The following PIAS2 variants were observed in gnomAD, a reference collection of about 807,000 sequenced individuals.
PIAS2 encodes the protein protein inhibitor of activated STAT 2.
Under a neutral mutation model 69.7 loss-of-function variants are expected in PIAS2, and 19 were observed. The observed-to-expected ratio is 0.27, with a 90% CI of 0.19 to 0.40. The LOEUF is 0.40. Ranked by LOEUF, PIAS2 falls within the 10% of genes least tolerant of loss-of-function variation. The probability of loss-of-function intolerance (pLI) is 1.00; values close to 1 mark genes in which losing one functional copy is unlikely to be tolerated. For missense variants in PIAS2, 624 were observed against 757.0 expected (o/e 0.82, Z 2.06); for synonymous variants, 261 against 263.2 (o/e 0.99, Z 0.08).
chr18:46,816,472 T>C (rs999914033), intron 12 of PIAS2: 5 of 353,400 alleles, frequency 1.4e-5, no homozygotes, highest in Non-Finnish European at 1.9e-5. Flanking sequence ...TTGCTACAGA[T>C]TTTTTTTTTT....
At chr18:46,901,605 T>C (rs2055870523) in intron 1 of PIAS2, among the ~76,000 whole-genome samples, 1 of 152,230 alleles carries the variant, frequency 6.6e-6, no homozygotes, top group African/African-American at 2.4e-5. Flanking sequence ...GCATTTTCAC[T>C]GTGTCTTATC....
chr18:46,877,036 T>C (rs1237520627), intron 2 of PIAS2, among the ~76,000 whole-genome samples: 1 of 152,166 alleles, frequency 6.6e-6, no homozygotes, highest in Non-Finnish European at 1.5e-5. Context: ...GTTTGGCAAA[T>C]GGAAAGGACT....
rs773744888 is a variant in PIAS2 at position 46,812,423 on chromosome 18, G to A, written c.*10C>T. ...TGATGAATGATTCCCAGAATCAAGT[G>A]AGTCCTCCTTTAGTCCAATGAGATG... On this transcript the variant is annotated 3_prime_UTR_variant, in exon 14 of 14. Transcript: ENST00000585916. 57 of 1,569,910 alleles carry A rather than the reference G, an allele frequency of 3.6e-5. No homozygotes were observed. The highest frequency in any genetic ancestry group is 4.5e-5 in the Non-Finnish European group (52 of 1,145,180).
At position 46,811,632 on chromosome 18, in the gene PIAS2, A is replaced by G. The variant is rs2041007816; in HGVS notation, c.*801T>C. The G allele has an allele frequency of 6.6e-6, 1 of 152,204 alleles. No homozygotes were observed. The allele number at this position is 152,204 out of a possible 1,614,324, so 9.4% of individuals were successfully genotyped here. A position where few individuals can be genotyped will look rare whatever the true frequency, so the allele number is the denominator to read the frequency against. On this transcript the variant is annotated 3_prime_UTR_variant, in exon 14 of 14. Coordinates refer to ENST00000585916, the MANE Select transcript of PIAS2 (RefSeq NM_004671.5). ...TTCTTTTTTGAGAAGGCAAGCCTCAAATTTATAGAAAACTCTAGAATGAAA... is the reference window on the plus strand; with the variant it reads ...TTCTTTTTTGAGAAGGCAAGCCTCAGATTTATAGAAAACTCTAGAATGAAA...
chr18:46,917,661 C>T (rs2058148813), upstream of PIAS2: 12 of 640,268 alleles, frequency 1.9e-5, no homozygotes, highest in South Asian at 7.7e-4. Context: ...CGCGGCTTGG[C>T]CCCGCTCGGC....
rs72907120 is a variant in PIAS2, at chr18:46,821,637, G to A, written c.1509-565C>T. The stretch of plus-strand genomic sequence containing the variant: ...ATGGCAATAGGCCACAATCAGAAAC[G>A]AGGATGAGTGTTCAGGATTTAAAAT... On this transcript the variant is annotated intron_variant, in intron 11 of 13. Transcript: ENST00000585916. 9.3e-3 allele frequency among the ~76,000 whole-genome samples: 1,419 copies of A among 152,170 alleles called. 12 individuals are homozygous for A. Among genetic ancestry groups the A allele is most frequent in the Non-Finnish European group, 0.015 (1,012 of 67,986 alleles).
rs187786963 is a variant in PIAS2, at chr18:46,876,837, C to T, written c.500-12589G>A. On this transcript the variant is annotated intron_variant, in intron 2 of 13. Transcript: ENST00000585916. ...TCAGCCTCCCGAGTAGCTGGGACTA[C>T]AGGTGACTGCCACCAAGCCCAGCTA... Among the ~76,000 whole-genome samples, 295 of 152,124 alleles carry T rather than the reference C, an allele frequency of 1.9e-3. 2 individuals are homozygous for T. Among genetic ancestry groups the T allele is most frequent in the African/African-American group, 6.4e-3 (266 of 41,510 alleles).
At chr18:46,919,483 T>C, upstream of PIAS2, among the ~76,000 whole-genome samples, 1 of 140,982 alleles carries the variant, frequency 7.1e-6, no homozygotes, top group South Asian at 2.3e-4. Flanking sequence ...CGAAACTCCA[T>C]CTCAAAAAAA....
At chr18:46,865,648 C>T (rs1329990933) in intron 2 of PIAS2, among the ~76,000 whole-genome samples, 1 of 152,014 alleles carries the variant, frequency 6.6e-6, no homozygotes, top group South Asian at 2.1e-4. Flanking sequence ...CAAGTCACAT[C>T]AAGTCAGAAA....
At chr18:46,878,698 G>A (rs535756067) in intron 2 of PIAS2, among the ~76,000 whole-genome samples, 23 of 152,220 alleles carry the variant, frequency 1.5e-4, no homozygotes, top group Admixed American at 2.0e-4. Flanking sequence ...GCGAAACCCC[G>A]TCTCTAATAA....
chr18:46,836,596 CG>C, intron 8 of PIAS2, 79 bp from the exon 9 acceptor site: 1 of 941,798 alleles, frequency 1.1e-6, no homozygotes, highest in Non-Finnish European at 1.6e-6. Flanking sequence ...TTGTAAAAGT[CG>C]GAAGATGTCA....
intron 1 of PIAS2, among the ~76,000 whole-genome samples, chr18:46,892,193 G>A (rs373532547): frequency 2.0e-5 from 3 of 152,086 alleles, no homozygotes; most frequent in Admixed American, 6.6e-5. Context: ...AAGTCTCAGG[G>A]ACGGCCCAGA....
At chr18:46,835,053 T>C (rs1185953011) in intron 9 of PIAS2, among the ~76,000 whole-genome samples, 1 of 152,118 alleles carries the variant, frequency 6.6e-6, no homozygotes, top group African/African-American at 2.4e-5. Flanking sequence ...ATTGAAAAAG[T>C]AGAAACAAAT....
At chr18:46,814,182 T>C (rs112749646) in intron 13 of PIAS2, among the ~76,000 whole-genome samples, 1 of 152,232 alleles carries the variant, frequency 6.6e-6, no homozygotes, top group East Asian at 1.9e-4. Flanking sequence ...GTAGCTACAA[T>C]GACAAGAATT....
At chr18:46,900,846 C>A (rs551847893) in intron 1 of PIAS2, among the ~76,000 whole-genome samples, 2 of 151,442 alleles carry the variant, frequency 1.3e-5, no homozygotes, top group African/African-American at 4.9e-5. Flanking sequence ...CGGTGGCAGG[C>A]GCCTATAATC....
intron 3 of PIAS2, among the ~76,000 whole-genome samples, chr18:46,862,607 C>A (rs2048827359): frequency 6.6e-6 from 1 of 151,884 alleles, no homozygotes; most frequent in Non-Finnish European, 1.5e-5. Context: ...TTTGTTAACA[C>A]TAAAGGTGTG....
chr18:46,830,307 T>G (rs1010450595), intron 9 of PIAS2, among the ~76,000 whole-genome samples: 2 of 151,902 alleles, frequency 1.3e-5, no homozygotes, highest in Non-Finnish European at 2.9e-5. Flanking sequence ...ATAAAAGAAG[T>G]CTCAATAAAT....
intron 2 of PIAS2, among the ~76,000 whole-genome samples, chr18:46,875,788 G>A (rs368085885): frequency 4.6e-5 from 7 of 152,290 alleles, no homozygotes; most frequent in East Asian, 3.9e-4. Flanking sequence ...ATGCTTGTGC[G>A]CACCGCAGGC....
At chr18:46,889,964 T>C (rs1011586332) in intron 2 of PIAS2, among the ~76,000 whole-genome samples, 1 of 152,234 alleles carries the variant, frequency 6.6e-6, no homozygotes, top group African/African-American at 2.4e-5. Context: ...AGCAAAAGAT[T>C]ACTATTTTTC....
Sources: allele counts gnomAD v4.1 joint callset (sites outside exome capture counted in the v4.1 genomes callset), GRCh38; gene constraint gnomAD v4.1.1; transcripts MANE v1.5; gene names NCBI Gene and HGNC (gene_info 2026-07-23, HGNC 2026-07-21).